Variants in SLC24A2 observed in about 807,000 individuals in gnomAD.
SLC24A2 encodes solute carrier family 24 member 2.
Under a neutral mutation model 62.0 loss-of-function variants are expected in SLC24A2, and 36 were observed. That is an observed-to-expected ratio of 0.58 (90% CI 0.44 to 0.77). The LOEUF is 0.77. SLC24A2 is among the 30% of genes least tolerant of loss of function. The pLI, the probability that SLC24A2 is intolerant of heterozygous loss-of-function variation, is 0.00. For missense variants in SLC24A2, 846 were observed against 817.9 expected (o/e 1.03, Z -0.42); for synonymous variants, 358 against 294.0 (o/e 1.22, Z -2.23).
chr9:20,232,554 T>C, the SLC24A2 span, among the ~76,000 whole-genome samples: 26 of 152,328 alleles, frequency 1.7e-4, 1 homozygote, highest in African/African-American at 6.3e-4. Context: ...TGATGGTAGT[T>C]TGTATTTCTG....
chr9:20,202,680 T>C, the SLC24A2 span, among the ~76,000 whole-genome samples: 1 of 152,136 alleles, frequency 6.6e-6, no homozygotes, highest in Non-Finnish European at 1.5e-5. Context: ...AAGAATGTTC[T>C]GGGACTTGGA....
chr9:19,759,880 C>G (rs1173284646), intron 2 of SLC24A2, among the ~76,000 whole-genome samples: 1 of 152,146 alleles, frequency 6.6e-6, no homozygotes, highest in Non-Finnish European at 1.5e-5. Flanking sequence ...TATAAACACC[C>G]TGCTATATCC....
intron 2 of SLC24A2, among the ~76,000 whole-genome samples, chr9:19,679,645 C>T (rs1408915137): frequency 6.6e-6 from 1 of 152,144 alleles, no homozygotes; most frequent in African/African-American, 2.4e-5. Context: ...CAAATTTGCT[C>T]TTTCTGCTTA....
At chr9:20,092,769 A>G in the SLC24A2 span, among the ~76,000 whole-genome samples, 4 of 152,208 alleles carry the variant, frequency 2.6e-5, no homozygotes, top group Non-Finnish European at 5.9e-5. Flanking sequence ...TTGCTGTCTC[A>G]TCAAATTTCT....
At position 19,713,779 on chromosome 9, in the gene SLC24A2, A is replaced by AT. The variant is rs575780083; in HGVS notation, c.930+72157dup. On this transcript the variant is annotated intron_variant, in intron 2 of 10. Transcript: ENST00000341998. The stretch of plus-strand genomic sequence containing the variant: ...GTCCTTACTTACTGGTAAGATTGAG[A>AT]TTTTTTTTTCCCCCCGATGATTTGT... Among the ~76,000 whole-genome samples the AT allele has an allele frequency of 2.7e-4, 41 of 151,884 alleles. No individual in the cohort carries two copies. The South Asian group carries it at 4.2e-3, about 15-fold the overall frequency.
the SLC24A2 span, among the ~76,000 whole-genome samples, chr9:19,951,367 C>G: frequency 6.6e-6 from 1 of 151,832 alleles, no homozygotes; most frequent in East Asian, 1.9e-4. Flanking sequence ...CAAAGTCCAA[C>G]TTACCAATTG....
chr9:20,093,956 T>A, the SLC24A2 span, among the ~76,000 whole-genome samples: 1 of 152,162 alleles, frequency 6.6e-6, no homozygotes, highest in Admixed American at 6.5e-5. Flanking sequence ...CACAGAAATT[T>A]GAAATTAAAA....
At chr9:19,546,548 G>C (rs1445301463) in intron 8 of SLC24A2, among the ~76,000 whole-genome samples, 3 of 152,150 alleles carry the variant, frequency 2.0e-5, no homozygotes, top group East Asian at 1.9e-4. Context: ...CACCAAGCTT[G>C]AGCATCCCAG....
chr9:20,108,176 A>G, the SLC24A2 span, among the ~76,000 whole-genome samples: 123 of 152,304 alleles, frequency 8.1e-4, no homozygotes, highest in South Asian at 8.7e-3. Context: ...TAGAATGGCA[A>G]TCATTAAAAT....
the SLC24A2 span, among the ~76,000 whole-genome samples, chr9:20,184,485 G>A: frequency 2.0e-5 from 3 of 152,142 alleles, no homozygotes; most frequent in Non-Finnish European, 4.4e-5. Flanking sequence ...GGAGGTGGAG[G>A]TCTCAGTGAG....
At chr9:19,525,236 T>C (rs1257601524) in intron 9 of SLC24A2, among the ~76,000 whole-genome samples, 1 of 152,106 alleles carries the variant, frequency 6.6e-6, no homozygotes, top group Non-Finnish European at 1.5e-5. Flanking sequence ...AAATATCATG[T>C]AGAAATAAGA....
the SLC24A2 span, among the ~76,000 whole-genome samples, chr9:19,934,270 G>A: frequency 4.6e-5 from 7 of 152,304 alleles, no homozygotes; most frequent in African/African-American, 1.7e-4. The surrounding 1 kb of genome is among the most constrained non-coding windows in gnomAD (Gnocchi z 4.1). Flanking sequence ...GGGCCTCAAA[G>A]CAGGCCCATC....
At chr9:19,863,205 T>C in the SLC24A2 span, among the ~76,000 whole-genome samples, 11 of 152,052 alleles carry the variant, frequency 7.2e-5, no homozygotes, top group Non-Finnish European at 1.3e-4. Context: ...ATTTTAAATA[T>C]ATATGCACCC....
chr9:19,815,953 T>C, the SLC24A2 span, among the ~76,000 whole-genome samples: 9 of 131,906 alleles, frequency 6.8e-5, no homozygotes, highest in Admixed American at 7.4e-4. Context: ...CATGTATTTT[T>C]TGCCCCTTTT....
At chr9:20,228,541 G>A in the SLC24A2 span, among the ~76,000 whole-genome samples, 1 of 152,174 alleles carries the variant, frequency 6.6e-6, no homozygotes, top group Non-Finnish European at 1.5e-5. Flanking sequence ...GACTCCAAGT[G>A]GAAGGGAGTA....
At chr9:19,807,262 C>T in the SLC24A2 span, among the ~76,000 whole-genome samples, 13 of 152,312 alleles carry the variant, frequency 8.5e-5, no homozygotes, top group African/African-American at 2.6e-4. Flanking sequence ...TAACAAGGAA[C>T]AAAAGGAAGG....
In SLC24A2 at chr9:19,513,190, A is replaced by ATATATATATG. The variant is rs1249112875; in HGVS notation, c.*2962_*2963insCATATATATA. On this transcript the variant is annotated 3_prime_UTR_variant, in exon 11 of 11. Transcript: ENST00000341998. Reference sequence around the variant, plus strand: ...TATATATATATGTATATATATATATATGTATATATTTATATATGTATATAC... The same window carrying ATATATATATG: ...TATATATATATGTATATATATATATATATATATATGTGTATATATTTATATATGTATATAC... 3 of 142,354 alleles carry ATATATATATG rather than the reference A, an allele frequency of 2.1e-5. No homozygotes were observed. Among genetic ancestry groups the ATATATATATG allele is most frequent in the East Asian group, 4.4e-4 (2 of 4,516 alleles). 8.8% of individuals were successfully genotyped at this position (142,354 alleles called of 1,614,324 possible). A position where few individuals can be genotyped will look rare whatever the true frequency, so the allele number is the denominator to read the frequency against.
chr9:19,520,284 G>A (rs568227870), intron 10 of SLC24A2, among the ~76,000 whole-genome samples: 1 of 152,150 alleles, frequency 6.6e-6, no homozygotes, highest in Non-Finnish European at 1.5e-5. Context: ...AAATAAAATG[G>A]TGGAGATCGC....
the SLC24A2 span, among the ~76,000 whole-genome samples, chr9:19,960,927 T>G: frequency 6.6e-6 from 1 of 152,136 alleles, no homozygotes; most frequent in South Asian, 2.1e-4. Flanking sequence ...CAAATATATC[T>G]ATTATTATTG....
Sources: gnomAD v4.1 joint callset for allele counts (sites outside exome capture counted in the v4.1 genomes callset) on GRCh38, gnomAD v4.1.1 for gene constraint, Gnocchi (gnomAD v3.1) non-coding constraint, MANE v1.5 for transcripts, NCBI Gene and HGNC (gene_info 2026-07-23, HGNC 2026-07-21) for gene names.